SPAG16: variants seen among roughly 807,000 people sequenced by gnomAD.
SPAG16 encodes sperm associated antigen 16.
In SPAG16, 86 loss-of-function variants were observed where a neutral mutation model predicts 80.4. The ratio of observed to expected loss-of-function variants is 1.07; its 90% confidence interval spans 0.90 to 1.28. The LOEUF (loss-of-function observed/expected upper bound fraction) is 1.28. Among genes scored for constraint, SPAG16 ranks in the 50% most tolerant of loss-of-function variants. The probability of loss-of-function intolerance (pLI) is 0.00; values close to 1 mark genes in which losing one functional copy is unlikely to be tolerated. For missense variants in SPAG16, 870 were observed against 765.3 expected, an observed-to-expected ratio of 1.14 and a Z score of -1.61; for synonymous variants, 294 against 265.9, an observed-to-expected ratio of 1.11 and a Z score of -1.03.
At chr2:214,309,696 C>A (rs1695153088) in intron 15 of SPAG16, among the ~76,000 whole-genome samples, 1 of 152,128 alleles carries the variant, frequency 6.6e-6, no homozygotes, top group African/African-American at 2.4e-5. Flanking sequence ...GGACTGTGTA[C>A]TATAATTCTG....
At chr2:214,123,072 G>A (rs751605551) in intron 14 of SPAG16, among the ~76,000 whole-genome samples, 3 of 151,550 alleles carry the variant, frequency 2.0e-5, no homozygotes, top group East Asian at 3.9e-4. Context: ...AAAGTGAAAC[G>A]CTTTAAAAAA....
chr2:213,476,307 G>A (rs894334928), intron 9 of SPAG16, among the ~76,000 whole-genome samples: 19 of 152,334 alleles, frequency 1.2e-4, no homozygotes, highest in African/African-American at 4.3e-4. Context: ...CAGTAATGTC[G>A]AGGCATGGCC....
chr2:213,840,733 T>C (rs976961786), intron 10 of SPAG16, among the ~76,000 whole-genome samples: 4 of 151,972 alleles, frequency 2.6e-5, no homozygotes, highest in Non-Finnish European at 1.5e-5. Flanking sequence ...GTTAGTGAGA[T>C]GGGGGTGGCA....
intron 13 of SPAG16, among the ~76,000 whole-genome samples, chr2:214,092,974 A>G (rs900039294): frequency 6.6e-6 from 1 of 152,112 alleles, no homozygotes; most frequent in Non-Finnish European, 1.5e-5. Context: ...AACTCATAGA[A>G]CCATTCTCAT....
Position 214,115,956 on chromosome 2 carries a change from C to G in SPAG16, c.1593+7695C>G, listed in dbSNP as rs192462629. Among the ~76,000 whole-genome samples the G allele has an allele frequency of 7.9e-5, 12 of 151,640 alleles. No individual in the cohort carries two copies. The East Asian group carries it at 1.8e-3, about 22-fold the overall frequency. On this transcript the variant is annotated intron_variant, in intron 14 of 15. Coordinates refer to ENST00000331683, the MANE Select transcript of SPAG16 (RefSeq NM_024532.5). ...CACCCATCCACAGACAAAAGTCTAT[C>G]AGCAGGAGTTTCAGGATTCAGGTAG...
At chr2:214,017,447 T>C (rs2047648635) in intron 13 of SPAG16, among the ~76,000 whole-genome samples, 1 of 152,132 alleles carries the variant, frequency 6.6e-6, no homozygotes, top group African/African-American at 2.4e-5. Context: ...GGTTTTTTTC[T>C]CTCTCTCTCA....
intron 9 of SPAG16, among the ~76,000 whole-genome samples, chr2:213,410,092 A>G (rs2068875374): frequency 6.6e-6 from 1 of 151,696 alleles, no homozygotes; most frequent in African/African-American, 2.4e-5. Flanking sequence ...CAAAAAGGGG[A>G]TGGAATCATC....
intron 10 of SPAG16, among the ~76,000 whole-genome samples, chr2:213,611,906 G>T (rs1175051652): frequency 6.6e-6 from 1 of 152,092 alleles, no homozygotes; most frequent in Admixed American, 6.5e-5. Context: ...TTACCCATTT[G>T]TAACACTTCT....
At chr2:213,586,406 T>C (rs1235213686) in intron 10 of SPAG16, among the ~76,000 whole-genome samples, 1 of 152,208 alleles carries the variant, frequency 6.6e-6, no homozygotes, top group Non-Finnish European at 1.5e-5. Context: ...TATCTAGCAC[T>C]AATCCCATTC....
intron 15 of SPAG16, among the ~76,000 whole-genome samples, chr2:214,367,516 T>TAAAC (rs1401074111): frequency 6.6e-6 from 1 of 152,158 alleles, no homozygotes; most frequent in East Asian, 1.9e-4. Context: ...TGATTTATAG[T>TAAAC]AAACACCTAA....
intron 10 of SPAG16, among the ~76,000 whole-genome samples, chr2:213,839,145 G>T (rs1470963932): frequency 6.6e-6 from 1 of 152,150 alleles, no homozygotes; most frequent in Non-Finnish European, 1.5e-5. Context: ...AGATGGATTT[G>T]TTAACTCTTT....
intron 13 of SPAG16, among the ~76,000 whole-genome samples, chr2:214,052,664 A>G (rs2049715738): frequency 6.6e-6 from 1 of 152,192 alleles, no homozygotes; most frequent in South Asian, 2.1e-4. Flanking sequence ...TTAAAATACT[A>G]AACTGAAAAA....
At chr2:214,204,491 T>C (rs1304612470) in intron 15 of SPAG16, among the ~76,000 whole-genome samples, 1 of 152,186 alleles carries the variant, frequency 6.6e-6, no homozygotes, top group Non-Finnish European at 1.5e-5. Context: ...TGAAGACAGT[T>C]CACATCACAG....
At chr2:214,206,954 T>C (rs960923349) in intron 15 of SPAG16, among the ~76,000 whole-genome samples, 2 of 152,176 alleles carry the variant, frequency 1.3e-5, no homozygotes, top group African/African-American at 4.8e-5. Flanking sequence ...AGAAAATGTA[T>C]AAAGATCTAA....
rs1217466474 is a variant in SPAG16 at position 213,427,395 on chromosome 2, G to A, written c.942+52276G>A. ...CTTAGTTTTTTGTTTATCACATTTAGAAGATAATTTCATATACTTTGCCTG... is the reference window on the plus strand; with the variant it reads ...CTTAGTTTTTTGTTTATCACATTTAAAAGATAATTTCATATACTTTGCCTG... On this transcript the variant is annotated intron_variant, in intron 9 of 15. Coordinates refer to ENST00000331683, the MANE Select transcript of SPAG16 (RefSeq NM_024532.5). Among the ~76,000 whole-genome samples, 5 of 152,240 alleles carry A rather than the reference G, an allele frequency of 3.3e-5. No individual in the cohort carries two copies. The East Asian group carries it at 9.6e-4, about 29-fold the overall frequency.
chr2:214,195,246 A>G (rs36155260), intron 15 of SPAG16, among the ~76,000 whole-genome samples: 45,346 of 151,558 alleles, frequency 0.3, 8,461 homozygotes, highest in Non-Finnish European at 0.41. Flanking sequence ...AATGTAGGAA[A>G]AGGCAGAGTG....
chr2:214,327,409 T>C (rs909581453), intron 15 of SPAG16, among the ~76,000 whole-genome samples: 1 of 152,192 alleles, frequency 6.6e-6, no homozygotes, highest in Non-Finnish European at 1.5e-5. Context: ...GAATAAAAAT[T>C]ATAATTCTTT....
intron 10 of SPAG16, among the ~76,000 whole-genome samples, chr2:213,573,974 G>C (rs535337994): frequency 6.6e-6 from 1 of 152,102 alleles, no homozygotes; most frequent in Non-Finnish European, 1.5e-5. Context: ...AAGGAGGTAA[G>C]GTCTGAGATT....
intron 15 of SPAG16, among the ~76,000 whole-genome samples, chr2:214,210,283 A>AT (rs1331092141): frequency 2.6e-5 from 4 of 152,026 alleles, no homozygotes; most frequent in African/African-American, 7.2e-5. Flanking sequence ...TTATACATGG[A>AT]TTTTTTCAAT....
Sources: allele counts gnomAD v4.1 joint callset (sites outside exome capture counted in the v4.1 genomes callset), GRCh38; gene constraint gnomAD v4.1.1; transcripts MANE v1.5; gene names NCBI Gene and HGNC (gene_info 2026-07-23, HGNC 2026-07-21).